CDC42BPB: variants seen among roughly 807,000 people sequenced by gnomAD.
CDC42BPB encodes CDC42 binding protein kinase beta.
CDC42BPB carries 37 observed loss-of-function variants against 214.9 expected under a neutral mutation model. That is an observed-to-expected ratio of 0.17 (90% CI 0.13 to 0.23). The LOEUF (loss-of-function observed/expected upper bound fraction) is 0.23, where lower values mean the gene tolerates loss of function less well. Ranked by LOEUF, CDC42BPB falls within the 10% of genes least tolerant of loss-of-function variation. The pLI is 1.00. For missense variants in CDC42BPB, 1,694 were observed against 2,227.0 expected, an observed-to-expected ratio of 0.76 and a Z score of 4.82; for synonymous variants, 931 against 884.0, an observed-to-expected ratio of 1.05 and a Z score of -0.94.
Position 102,983,548 on chromosome 14 carries a change from C to A in CDC42BPB, c.891+8G>T. On this transcript the variant is annotated splice_region_variant and intron_variant, in intron 7 of 36. Coordinates refer to ENST00000361246, the MANE Select transcript of CDC42BPB (RefSeq NM_006035.4). ...TACCAAAAAAAAAAAAAAAATGCAACGTCTTACTTCATGGTTCATGATCTT... is the reference window on the plus strand; with the variant it reads ...TACCAAAAAAAAAAAAAAAATGCAAAGTCTTACTTCATGGTTCATGATCTT... 1 of 1,580,038 alleles carries A rather than the reference C, an allele frequency of 6.3e-7. No individual in the cohort carries two copies. Among genetic ancestry groups the A allele is most frequent in the Admixed American group, 1.7e-5 (1 of 57,308 alleles).
intron 1 of CDC42BPB, among the ~76,000 whole-genome samples, chr14:103,025,434 GTAAACTACC>G (rs1322950737): frequency 6.6e-6 from 1 of 150,808 alleles, no homozygotes; most frequent in Non-Finnish European, 1.5e-5. Flanking sequence ...ATCAAAAACT[GTAAACTACC>G]CAAATGTCCA....
intron 6 of CDC42BPB, 56 bp from the exon 7 acceptor site, chr14:102,983,812 T>C: frequency 6.4e-7 from 1 of 1,559,092 alleles, no homozygotes; most frequent in South Asian, 1.2e-5. Context: ...ATCACATATT[T>C]CCAACTACTT....
At chr14:102,938,203 G>A (rs754567559) in intron 35 of CDC42BPB, 29 bp from the exon 36 acceptor site, 1 of 1,610,704 alleles carries the variant, frequency 6.2e-7, no homozygotes, top group Non-Finnish European at 8.5e-7. Flanking sequence ...TTTCCTCTTA[G>A]GGAGAAAGTC....
At chr14:103,048,639 C>A (rs1366050675) in intron 1 of CDC42BPB, among the ~76,000 whole-genome samples, 2 of 147,144 alleles carry the variant, frequency 1.4e-5, no homozygotes, top group Non-Finnish European at 3.0e-5. Flanking sequence ...ACCCAGGAGG[C>A]GGAGCCTGCA....
chr14:103,028,298 G>A (rs934650213), intron 1 of CDC42BPB, among the ~76,000 whole-genome samples: 3 of 152,186 alleles, frequency 2.0e-5, no homozygotes, highest in Non-Finnish European at 2.9e-5. Context: ...TTCCTGAAAT[G>A]AAGCAAGACA....
intron 30 of CDC42BPB, chr14:102,940,778 G>A (rs1297504022): frequency 4.3e-6 from 1 of 231,152 alleles, no homozygotes; most frequent in Non-Finnish European, 8.7e-6. Context: ...AGAAACCACT[G>A]CTGACCTCTG....
chr14:102,994,369 GA>G (rs1328858763), intron 5 of CDC42BPB, among the ~76,000 whole-genome samples: 17 of 140,424 alleles, frequency 1.2e-4, no homozygotes, highest in Admixed American at 1.2e-3. Flanking sequence ...GGTGGTGGTT[GA>G]TTTTTTTTTT....
chr14:103,003,731 TC>T (rs901171694), intron 4 of CDC42BPB, among the ~76,000 whole-genome samples, 196 bp downstream of exon 4: 4 of 152,120 alleles, frequency 2.6e-5, no homozygotes, highest in African/African-American at 9.7e-5. Context: ...AAAAACAAAG[TC>T]CTTACTTCCA....
At position 103,057,295 on chromosome 14, in the gene CDC42BPB, C is replaced by T. The variant is rs1889042232; in HGVS notation, c.-122G>A. ...CGGCAGCAGCGGCGCCTCCTCGCCG[C>T]CCCGTCCGCGTCGTCGCGCCCCGGC... On this transcript the variant is annotated 5_prime_UTR_variant, in exon 1 of 37. Transcript: ENST00000361246. The T allele has an allele frequency of 1.6e-5, 17 of 1,088,766 alleles. No individual in the cohort carries two copies. Among genetic ancestry groups the T allele is most frequent in the South Asian group, 1.3e-4 (3 of 22,902 alleles). The allele number at this position is 1,088,766 out of a possible 1,614,324, so 67.4% of individuals were successfully genotyped here.
At chr14:103,042,972 A>T (rs114584902) in intron 1 of CDC42BPB, among the ~76,000 whole-genome samples, 11 of 152,158 alleles carry the variant, frequency 7.2e-5, no homozygotes, top group African/African-American at 2.4e-4. Flanking sequence ...CTTGTACATT[A>T]ATGTTCAGAG....
Position 102,971,900 on chromosome 14 carries a change from G to A in CDC42BPB, c.1884+19C>T. 1 of 1,612,238 alleles carries A rather than the reference G, an allele frequency of 6.2e-7. No homozygotes were observed. The highest frequency in any genetic ancestry group is 8.5e-7 in the Non-Finnish European group (1 of 1,178,684). On this transcript the variant is annotated intron_variant, in intron 13 of 36. Transcript: ENST00000361246. Reference sequence around the variant, plus strand: ...CAAATGTCCAGTCGATACCATCCCTGAACCATCTCCACAGCTACCTCTTTC... The same window carrying A: ...CAAATGTCCAGTCGATACCATCCCTAAACCATCTCCACAGCTACCTCTTTC...
At chr14:102,983,247 ACCTG>A (rs1894086250) in intron 7 of CDC42BPB, among the ~76,000 whole-genome samples, 1 of 152,080 alleles carries the variant, frequency 6.6e-6, no homozygotes, top group African/African-American at 2.4e-5. Context: ...GTCTACAGAA[ACCTG>A]CCTTCCCTCC....
At chr14:102,984,117 C>A (rs114935302) in intron 6 of CDC42BPB, among the ~76,000 whole-genome samples, 40 of 152,316 alleles carry the variant, frequency 2.6e-4, no homozygotes, top group African/African-American at 9.6e-4. Context: ...ATGCGGCTCC[C>A]AGAATGCATG....
intron 26 of CDC42BPB, among the ~76,000 whole-genome samples, chr14:102,949,053 G>A (rs1280890590): frequency 1.3e-5 from 2 of 152,146 alleles, no homozygotes; most frequent in Admixed American, 1.3e-4. Context: ...GAGCAGTCCC[G>A]TGTGCACCAC....
At chr14:102,940,018 T>C in intron 32 of CDC42BPB, 28 bp downstream of exon 32, 1 of 1,613,872 alleles carries the variant, frequency 6.2e-7, no homozygotes, top group Non-Finnish European at 8.5e-7. Context: ...TTCCCTTCCC[T>C]CCACTCCCGG....
intron 1 of CDC42BPB, among the ~76,000 whole-genome samples, chr14:103,033,284 C>T (rs1030612192): frequency 2.6e-5 from 4 of 152,050 alleles, no homozygotes; most frequent in African/African-American, 4.8e-5. Context: ...TGCAGTGGCG[C>T]CATCTCTGCT....
At chr14:102,966,455 G>A in intron 17 of CDC42BPB, 68 bp from the exon 18 acceptor site, 1 of 1,591,608 alleles carries the variant, frequency 6.3e-7, no homozygotes. Flanking sequence ...ACAAGAAGGG[G>A]ACGTTCCCGC....
intron 9 of CDC42BPB, among the ~76,000 whole-genome samples, chr14:102,977,211 C>T (rs1365498492): frequency 2.0e-5 from 3 of 151,874 alleles, no homozygotes; most frequent in East Asian, 1.9e-4. Flanking sequence ...TGGTGGCGGG[C>T]GCCTGTAGTC....
intron 1 of CDC42BPB, among the ~76,000 whole-genome samples, chr14:103,028,537 G>A (rs1027733146): frequency 6.6e-6 from 1 of 152,214 alleles, no homozygotes; most frequent in Non-Finnish European, 1.5e-5. Flanking sequence ...CAGAAGATGT[G>A]CTGGGCTTCC....
Sources: allele counts gnomAD v4.1 joint callset (sites outside exome capture counted in the v4.1 genomes callset), GRCh38; gene constraint gnomAD v4.1.1; transcripts MANE v1.5; gene names NCBI Gene and HGNC (gene_info 2026-07-23, HGNC 2026-07-21).